The following NBEAL1 variants were observed in gnomAD, a reference collection of about 807,000 sequenced individuals.
NBEAL1 encodes the protein neurobeachin-like protein 1.
Under a neutral mutation model 351.3 loss-of-function variants are expected in NBEAL1, and 273 were observed. That is an observed-to-expected ratio of 0.78 (90% confidence interval 0.70 to 0.86). The LOEUF is 0.86. Ranked by LOEUF, NBEAL1 falls within the 40% of genes least tolerant of loss-of-function variation. The pLI, the probability that NBEAL1 is intolerant of heterozygous loss-of-function variation, is 0.00. For synonymous variants in NBEAL1, 1,050 were observed against 1,086.4 expected (o/e 0.97, Z 0.66); for missense variants, 2,961 against 3,201.3 (o/e 0.92, Z 1.81).
At chr2:203,056,278 G>A (rs1418505827) in intron 4 of NBEAL1, 149 bp from the exon 5 acceptor site, 1 of 632,240 alleles carries the variant, frequency 1.6e-6, no homozygotes, top group East Asian at 2.9e-5. Flanking sequence ...TGGGAAAGCA[G>A]TTATATAACC....
Position 203,217,268 on chromosome 2 carries a change from CT to C in NBEAL1, c.8089del (p.Ser2697LeufsTer36). 1 of 1,596,988 alleles carries C rather than the reference CT, an allele frequency of 6.3e-7. No individual in the cohort carries two copies. Among genetic ancestry groups the C allele is most frequent in the South Asian group, 1.1e-5 (1 of 88,214 alleles). ...GKPAEMRSGQLSRKFWGSSKR... is the reference protein window; with the variant it reads ...GKPAEMRSGQXSRKFWGSSKR... ...CTTTACACAGATGCGTTCAGGTCAGCTTTCTCGAAAATTTTGGGGATCGAGC... is the reference window on the plus strand; with the variant it reads ...CTTTACACAGATGCGTTCAGGTCAGCTTCTCGAAAATTTTGGGGATCGAGC... On this transcript the variant is annotated frameshift_variant, in exon 56 of 56. Coordinates refer to ENST00000683969, the MANE Select transcript of NBEAL1 (RefSeq NM_001378026.1). LOFTEE classifies it high-confidence loss of function.
intron 38 of NBEAL1, among the ~76,000 whole-genome samples, chr2:203,169,033 T>C (rs2064233908): frequency 6.6e-6 from 1 of 152,184 alleles, no homozygotes; most frequent in African/African-American, 2.4e-5. Flanking sequence ...ATGTTTAATT[T>C]AATTTATTTG....
In NBEAL1 at chr2:203,097,620, T is replaced by A; in HGVS notation, c.1172T>A (p.Met391Lys). The A allele has an allele frequency of 1.0e-6, 1 of 985,442 alleles. No homozygotes were observed. Among genetic ancestry groups the A allele is most frequent in the Non-Finnish European group, 1.2e-6 (1 of 829,568 alleles). 61.0% of individuals were successfully genotyped at this position (985,442 alleles called of 1,614,324 possible). ...KDLANKLLTEMNEDQVFQGQL... is the reference protein window; with the variant it reads ...KDLANKLLTEKNEDQVFQGQL... Reference sequence around the variant, plus strand: ...CTTGCCAACAAATTACTGACAGAAATGAATGAGGACCAGGTATCTACAAAG... The same window carrying A: ...CTTGCCAACAAATTACTGACAGAAAAGAATGAGGACCAGGTATCTACAAAG... Residue 391 changes from methionine to lysine, a missense_variant, in exon 11 of 56, where the codon ATG (methionine) becomes AAG (lysine). By Grantham distance (95) the Met-to-Lys change is moderately conservative. Transcript: ENST00000683969.
At chr2:203,021,250 G>A (rs1013728801) in intron 2 of NBEAL1, among the ~76,000 whole-genome samples, 2 of 151,892 alleles carry the variant, frequency 1.3e-5, no homozygotes, top group Non-Finnish European at 2.9e-5. Context: ...CCAAAGTGCT[G>A]GGATTACAGG....
rs1296352051 is a variant in NBEAL1, at chr2:203,175,405, C to G, written c.6464+118C>G. 9 of 1,033,866 alleles carry G rather than the reference C, an allele frequency of 8.7e-6. No individual in the cohort carries two copies. In the East Asian group the frequency reaches 2.4e-4, roughly 28 times the overall value. 64.0% of individuals were successfully genotyped at this position (1,033,866 alleles called of 1,614,324 possible). On this transcript the variant is annotated intron_variant, in intron 42 of 55. Transcript: ENST00000683969. ...TTATTCTCCTGTATTAAATTTTGAT[C>G]AGCTAAAAATAAACTAGTTTGAGAA...
intron 2 of NBEAL1, among the ~76,000 whole-genome samples, chr2:203,027,456 A>G (rs1346059449): frequency 6.6e-6 from 1 of 152,232 alleles, no homozygotes; most frequent in East Asian, 1.9e-4. Context: ...TGATATACCC[A>G]TTTCACACAA....
chr2:203,184,097 AAAG>A (rs1346723867), intron 44 of NBEAL1, among the ~76,000 whole-genome samples: 2 of 149,090 alleles, frequency 1.3e-5, no homozygotes, highest in Admixed American at 6.7e-5. Context: ...AAAAAAAAAA[AAAG>A]AAACAAACAA....
intron 3 of NBEAL1, among the ~76,000 whole-genome samples, chr2:203,047,924 G>C: frequency 6.6e-6 from 1 of 151,360 alleles, no homozygotes. Context: ...TTTTTTTCCA[G>C]TGGAGATGAA....
At chr2:203,169,877 G>C (rs766457886) in intron 39 of NBEAL1, 26 bp downstream of exon 39, 4 of 1,285,498 alleles carry the variant, frequency 3.1e-6, no homozygotes, top group Non-Finnish European at 4.5e-6. Flanking sequence ...AGTCTCTAAT[G>C]AACTGTTCTG....
chr2:203,134,133 C>A (rs2063143238), intron 27 of NBEAL1, among the ~76,000 whole-genome samples: 1 of 152,108 alleles, frequency 6.6e-6, no homozygotes, highest in Admixed American at 6.5e-5. Context: ...TACCAGTTTA[C>A]ATTTATACAA....
chr2:203,077,944 C>G (rs1216503841), intron 8 of NBEAL1, 107 bp downstream of exon 8: 1 of 538,298 alleles, frequency 1.9e-6, no homozygotes, highest in African/African-American at 2.0e-5. Flanking sequence ...ATTCACCATA[C>G]AAATATTGAA....
At chr2:203,157,931 GT>G in intron 36 of NBEAL1, 106 bp downstream of exon 36, 1 of 856,088 alleles carries the variant, frequency 1.2e-6, no homozygotes, top group Non-Finnish European at 1.7e-6. Context: ...GGGTCCAACA[GT>G]TAATGCTGTA....
chr2:203,091,827 A>G (rs1209061636), intron 10 of NBEAL1, among the ~76,000 whole-genome samples: 1 of 151,884 alleles, frequency 6.6e-6, no homozygotes, highest in Non-Finnish European at 1.5e-5. Flanking sequence ...CAGATTTGTT[A>G]TTGTCTTCTT....
intron 8 of NBEAL1, among the ~76,000 whole-genome samples, chr2:203,081,816 C>G (rs938199003): frequency 1.3e-5 from 2 of 152,206 alleles, no homozygotes; most frequent in South Asian, 4.1e-4. Flanking sequence ...TAAAGACATA[C>G]TGAGGCCGGG....
At chr2:203,186,959 A>G (rs2064915524) in intron 44 of NBEAL1, among the ~76,000 whole-genome samples, 1 of 152,204 alleles carries the variant, frequency 6.6e-6, no homozygotes, top group South Asian at 2.1e-4. Context: ...TGAGGTCTCA[A>G]CAGATTATTT....
At chr2:203,132,999 A>G (rs2063107953) in intron 26 of NBEAL1, 59 bp from the exon 27 acceptor site, 1 of 706,830 alleles carries the variant, frequency 1.4e-6, no homozygotes, top group Admixed American at 3.0e-5. Context: ...TATTATCCAC[A>G]GTTCTTTCTT....
intron 39 of NBEAL1, among the ~76,000 whole-genome samples, chr2:203,170,218 A>G (rs1340533752): frequency 6.6e-6 from 1 of 152,186 alleles, no homozygotes; most frequent in Admixed American, 6.5e-5. Flanking sequence ...TAAAAAATAC[A>G]AAAAGTAGCC....
intron 7 of NBEAL1, among the ~76,000 whole-genome samples, chr2:203,073,955 C>A (rs1191067281): frequency 6.6e-6 from 1 of 152,008 alleles, no homozygotes; most frequent in Admixed American, 6.6e-5. Flanking sequence ...AAAATATTTT[C>A]AAATTGGGGA....
intron 19 of NBEAL1, among the ~76,000 whole-genome samples, chr2:203,124,492 T>C (rs2062897039): frequency 6.6e-6 from 1 of 152,192 alleles, no homozygotes; most frequent in Non-Finnish European, 1.5e-5. Flanking sequence ...AAAGTAACTA[T>C]GTGAAATGAT....
Sources: gnomAD v4.1 joint callset for allele counts (sites outside exome capture counted in the v4.1 genomes callset) on GRCh38, gnomAD v4.1.1 for gene constraint, MANE v1.5 for transcripts, NCBI Gene and HGNC (gene_info 2026-07-23, HGNC 2026-07-21) for gene names.